Variants in EMC1 observed in about 807,000 individuals in gnomAD.
The protein encoded by EMC1 is KIAA0090.
In EMC1, 103 loss-of-function variants were observed where a neutral mutation model predicts 128.8. That is an observed-to-expected ratio of 0.80 (90% CI 0.68 to 0.94). The LOEUF (loss-of-function observed/expected upper bound fraction) is 0.94, where lower values mean the gene tolerates loss of function less well. EMC1 is among the 40% of genes least tolerant of loss of function. EMC1 has a pLI of 0.00. For synonymous variants in EMC1, 442 were observed against 490.4 expected (o/e 0.90, Z 1.30); for missense variants, 1,083 against 1,250.6 (o/e 0.87, Z 2.02).
intron 12 of EMC1, 24 bp downstream of exon 12, chr1:19,237,118 A>G (rs770452709): frequency 3.2e-6 from 5 of 1,555,230 alleles, no homozygotes; most frequent in Non-Finnish European, 4.4e-6. Flanking sequence ...AAATAAAAAA[A>G]TGGGTTGAAT....
In EMC1 at chr1:19,219,336, T is replaced by C. The variant is rs748757435; in HGVS notation, c.2949A>G (p.Ala983=). 1.1e-5 allele frequency: 18 copies of C among 1,613,938 alleles called. No individual in the cohort carries two copies. In the South Asian group the frequency reaches 1.9e-4, roughly 17 times the overall value. The change falls in exon 23 of 23, where the codon GCA becomes GCG. Residue 983 remains alanine, a synonymous_variant. Transcript: ENST00000477853. ...VFATMITKRL[A]QVKLLNRAWR Reference sequence around the variant, plus strand: ...AGGCCCGATTCAGGAGCTTCACCTGTGCCAGTCTCTTAGTGATCATGGTGG... The same window carrying C: ...AGGCCCGATTCAGGAGCTTCACCTGCGCCAGTCTCTTAGTGATCATGGTGG...
chr1:19,235,192 A>T lies in EMC1; in HGVS notation c.1370T>A (p.Met457Lys). The T allele has an allele frequency of 6.2e-7, 1 of 1,614,008 alleles. No homozygotes were observed. Among genetic ancestry groups the T allele is most frequent in the Non-Finnish European group, 8.5e-7 (1 of 1,179,936 alleles). ...TGCCCCAGTCAGGGGGAGGTCCACC[A>T]TCTCTAGGCACACCACTTCTGCCAG... ...ESLAEVVCLE[M>K]VDLPLTGAQA... Residue 457 changes from methionine (M) to lysine (K), a missense_variant, in exon 13 of 23, where the codon ATG becomes AAG. Around this residue, in one of 3 missense-constraint regions of EMC1, gnomAD observed 544 missense variants for 572.4 expected, o/e 0.95. Coordinates refer to ENST00000477853, the MANE Select transcript of EMC1 (RefSeq NM_015047.3).
intron 15 of EMC1, among the ~76,000 whole-genome samples, chr1:19,232,267 T>G (rs2093529237): frequency 6.6e-6 from 1 of 152,198 alleles, no homozygotes; most frequent in Non-Finnish European, 1.5e-5. Context: ...CCTTCTATGC[T>G]AGAATGAATA....
chr1:19,235,304 A>G, intron 12 of EMC1, 52 bp from the exon 13 acceptor site: 1 of 1,576,308 alleles, frequency 6.3e-7, no homozygotes, highest in South Asian at 1.2e-5. Flanking sequence ...ACAGTGGCTC[A>G]TGCCTGTAAT....
At chr1:19,222,934 G>A in intron 19 of EMC1, 100 bp from the exon 20 acceptor site, 1 of 839,352 alleles carries the variant, frequency 1.2e-6, no homozygotes, top group Non-Finnish European at 1.8e-6. Context: ...ACAGATCCAT[G>A]AAGGAGAACC....
intron 6 of EMC1, chr1:19,240,747 G>A: frequency 1.7e-6 from 1 of 573,656 alleles, no homozygotes; most frequent in Non-Finnish European, 3.1e-6. Flanking sequence ...CATATGTGGT[G>A]TCCTACTGTG....
chr1:19,237,764 A>G (rs1327538769), intron 11 of EMC1, among the ~76,000 whole-genome samples: 1 of 152,248 alleles, frequency 6.6e-6, no homozygotes, highest in Non-Finnish European at 1.5e-5. Context: ...CCGCTTCATG[A>G]GAGTGTTTGG....
intron 17 of EMC1, among the ~76,000 whole-genome samples, chr1:19,230,433 G>A (rs921920895): frequency 2.0e-5 from 3 of 152,154 alleles, no homozygotes; most frequent in African/African-American, 4.8e-5. Flanking sequence ...AGCCGGGCGC[G>A]GTGGCGCACG....
chr1:19,219,716 G>A lies in EMC1; in HGVS notation c.2673-18C>T. ...TCTCCTCTCTGCAAAACACCAGCCGGGACAGGCAGTCTGAGCACTGCTGTA... is the reference window on the plus strand; with the variant it reads ...TCTCCTCTCTGCAAAACACCAGCCGAGACAGGCAGTCTGAGCACTGCTGTA... On this transcript the variant is annotated intron_variant, in intron 21 of 22. Coordinates refer to ENST00000477853, the MANE Select transcript of EMC1 (RefSeq NM_015047.3). 3 of 1,613,972 alleles carry A rather than the reference G, an allele frequency of 1.9e-6. No individual in the cohort carries two copies. The highest frequency in any genetic ancestry group is 2.5e-6 in the Non-Finnish European group (3 of 1,179,942).
In EMC1 at chr1:19,240,327, C is replaced by T. The variant is rs911165271; in HGVS notation, c.756G>A (p.Thr252=). The change falls in exon 7 of 23, where the codon ACG becomes ACA. Residue 252 remains threonine, a synonymous_variant. Coordinates refer to ENST00000477853, the MANE Select transcript of EMC1 (RefSeq NM_015047.3). The part of the protein sequence containing the change: ...SRSLQTLALE[T]EWELRQIPLQ... The stretch of plus-strand genomic sequence containing the variant: ...GTGGGATCTGTCTCAACTCCCATTC[C>T]GTCTCCAGAGCCAAAGTTTGGAGGG... The T allele has an allele frequency of 7.4e-6, 12 of 1,614,072 alleles. No individual in the cohort carries two copies. Among genetic ancestry groups the T allele is most frequent in the East Asian group, 6.7e-5 (3 of 44,896 alleles).
chr1:19,239,856 G>A lies in EMC1; in HGVS notation c.916C>T (p.His306Tyr). The A allele has an allele frequency of 1.2e-6, 2 of 1,614,010 alleles. No individual in the cohort carries two copies. The highest frequency in any genetic ancestry group is 1.7e-6 in the Non-Finnish European group (2 of 1,179,986). Residue 306 changes from histidine (H) to tyrosine (Y), a missense_variant, in exon 8 of 23, where the codon CAT becomes TAT. His to Tyr is a moderately conservative substitution (Grantham distance 83). Transcript: ENST00000477853. ...SPSHYALLQY[H>Y]YGTLSLLKNF... Reference sequence around the variant, plus strand: ...TTAAGCAAACTCAGCGTTCCATAATGGTACTGCAGCAGAGCATAGTGGCTT... The same window carrying A: ...TTAAGCAAACTCAGCGTTCCATAATAGTACTGCAGCAGAGCATAGTGGCTT...
intron 10 of EMC1, 92 bp from the exon 11 acceptor site, chr1:19,238,231 GAGA>G: frequency 6.9e-7 from 1 of 1,457,968 alleles, no homozygotes; most frequent in Non-Finnish European, 9.4e-7. Context: ...AAATACCCTA[GAGA>G]AGGAGCCAGG....
intron 12 of EMC1, among the ~76,000 whole-genome samples, chr1:19,236,939 G>A (rs2093569082): frequency 7.5e-6 from 1 of 133,848 alleles, no homozygotes; most frequent in Non-Finnish European, 1.5e-5. Context: ...CTGCACTCCA[G>A]CCTGGGCAAG....
chr1:19,246,841 T>C (rs1281135636), intron 1 of EMC1, among the ~76,000 whole-genome samples: 1 of 152,130 alleles, frequency 6.6e-6, no homozygotes, highest in South Asian at 2.1e-4. Context: ...CTCTTCTGGA[T>C]TGAATTGTAT....
chr1:19,235,779 G>A (rs1220796059), intron 12 of EMC1, among the ~76,000 whole-genome samples: 2 of 152,136 alleles, frequency 1.3e-5, no homozygotes, highest in Non-Finnish European at 2.9e-5. Context: ...TGTAGTCACA[G>A]CTACTTAGGA....
At chr1:19,251,130 A>G (rs1308336003) in intron 1 of EMC1, among the ~76,000 whole-genome samples, 1 of 152,144 alleles carries the variant, frequency 6.6e-6, no homozygotes, top group Non-Finnish European at 1.5e-5. Context: ...ACGAGGGAGG[A>G]CGGGATCAGT....
rs184936195 is a variant in EMC1 at position 19,239,795 on chromosome 1, C to T, written c.954+23G>A. 1.4e-5 allele frequency: 22 copies of T among 1,611,836 alleles called. No individual in the cohort carries two copies. The Admixed American group carries it at 1.8e-4, about 14-fold the overall frequency. On this transcript the variant is annotated intron_variant, in intron 8 of 22. Transcript: ENST00000477853. ...CTTGGAGAGATCTCCTGAATCCTAG[C>T]AAACCATGTTGCCTGCAGTTACCTG... is the stretch of plus-strand genomic sequence containing the variant.
intron 12 of EMC1, 134 bp from the exon 13 acceptor site, chr1:19,235,386 G>T: frequency 1.2e-6 from 1 of 856,468 alleles, no homozygotes; most frequent in Non-Finnish European, 1.7e-6. Context: ...TGGACAACAG[G>T]GCAAAACCTT....
At chr1:19,240,095 C>T in intron 7 of EMC1, 110 bp from the exon 8 acceptor site, 2 of 1,254,360 alleles carry the variant, frequency 1.6e-6, no homozygotes, top group Non-Finnish European at 2.2e-6. Context: ...TGGGCCATGG[C>T]AGGTGGCTCC....
Sources: allele counts gnomAD v4.1 joint callset (sites outside exome capture counted in the v4.1 genomes callset), GRCh38; gene constraint gnomAD v4.1.1; regional missense constraint gnomAD v4.1.1; transcripts MANE v1.5; gene names NCBI Gene and HGNC (gene_info 2026-07-23, HGNC 2026-07-21).